VPS54: variants seen among roughly 807,000 people sequenced by gnomAD.
The protein encoded by VPS54 is VPS54 subunit of GARP complex.
Under a neutral mutation model 121.5 loss-of-function variants are expected in VPS54, and 45 were observed. That is an observed-to-expected ratio of 0.37 (90% CI 0.29 to 0.47). VPS54 has a LOEUF of 0.47. VPS54 is among the 20% of genes least tolerant of loss of function. The pLI is 0.99. For missense variants in VPS54, 1,090 were observed against 1,131.4 expected (o/e 0.96, Z 0.52); for synonymous variants, 371 against 385.8 (o/e 0.96, Z 0.45).
At position 63,893,466 on chromosome 2, in the gene VPS54, G is replaced by C. The variant is rs755555737; in HGVS notation, c.2898C>G (p.Asp966Glu). 4 of 1,614,002 alleles carry C rather than the reference G, an allele frequency of 2.5e-6. No homozygotes were observed. The highest frequency in any genetic ancestry group is 2.5e-6 in the Non-Finnish European group (3 of 1,179,980). ...GCTCCCAAATTTCGGCCATATTTAG[G>C]TCCAAATCTTTAAGGCCTTTTAAGG... ...LQALKGLKDL[D>E]LNMAEIWEQK... is the part of the protein sequence containing the mutation. The change falls in exon 23 of 23, where the codon GAC (aspartate) becomes GAG (glutamate). Residue 966 changes from aspartate to glutamate, a missense_variant. Transcript: ENST00000272322.
At chr2:63,910,958 G>T (rs9677805) in intron 20 of VPS54, among the ~76,000 whole-genome samples, 8 of 152,118 alleles carry the variant, frequency 5.3e-5, no homozygotes, top group African/African-American at 1.9e-4. Context: ...ACCTAGACTG[G>T]AGTGCAGTGG....
At position 63,909,725 on chromosome 2, in the gene VPS54, G is replaced by GTTTTTTTTTTTTT. The variant is rs1553470849; in HGVS notation, c.2625+2607_2625+2619dup. On this transcript the variant is annotated intron_variant, in intron 20 of 22. Transcript: ENST00000272322. The stretch of plus-strand genomic sequence containing the variant: ...AAGCGACCTCGCCTGGCCGTTTTTG[G>GTTTTTTTTTTTTT]TTTTTTTTTTTTTTTTGAGACAGAG... Among the ~76,000 whole-genome samples the GTTTTTTTTTTTTT allele has an allele frequency of 2.1e-4, 24 of 115,272 alleles. 1 individual carries two copies. Among genetic ancestry groups the GTTTTTTTTTTTTT allele is most frequent in the South Asian group, 2.9e-4 (1 of 3,432 alleles). 75.6% of individuals were successfully genotyped at this position (115,272 alleles called of 152,430 possible).
intron 1 of VPS54, among the ~76,000 whole-genome samples, chr2:64,002,068 C>T (rs1213259831): frequency 6.6e-6 from 1 of 152,206 alleles, no homozygotes; most frequent in African/African-American, 2.4e-5. Context: ...GGTCTGAATG[C>T]TCCCTCCATG....
intron 1 of VPS54, among the ~76,000 whole-genome samples, chr2:63,990,523 G>T (rs903482084): frequency 8.6e-5 from 13 of 151,846 alleles, no homozygotes; most frequent in Admixed American, 7.9e-4. Flanking sequence ...CTGCCTCTCT[G>T]TACCCTTCTT....
intron 3 of VPS54, 65 bp from the exon 4 acceptor site, chr2:63,972,309 GT>G: frequency 1.6e-6 from 2 of 1,263,574 alleles, no homozygotes; most frequent in African/African-American, 1.5e-5. Context: ...GCATGAAAGT[GT>G]TTTGCAACAG....
intron 11 of VPS54, among the ~76,000 whole-genome samples, chr2:63,940,057 T>C (rs1318835175): frequency 1.3e-5 from 2 of 152,126 alleles, no homozygotes; most frequent in African/African-American, 4.8e-5. Flanking sequence ...TGCCTGGCCC[T>C]GTATCTTGCA....
chr2:63,941,959 G>A lies in VPS54; in HGVS notation c.1398+506C>T, dbSNP rs190700251. ...TGAGGTAGAAGAATCACTTGAACCC[G>A]GGAGGGAGAAGTTGCGGTGAGCCAA... On this transcript the variant is annotated intron_variant, in intron 11 of 22. Coordinates refer to ENST00000272322, the MANE Select transcript of VPS54 (RefSeq NM_016516.3). 1.9e-4 allele frequency among the ~76,000 whole-genome samples: 29 copies of A among 151,152 alleles called. No individual in the cohort carries two copies. In the East Asian group the frequency reaches 2.9e-3, roughly 15 times the overall value.
At chr2:64,008,841 G>C (rs969463557) in intron 1 of VPS54, among the ~76,000 whole-genome samples, 4 of 152,164 alleles carry the variant, frequency 2.6e-5, no homozygotes, top group Non-Finnish European at 5.9e-5. Flanking sequence ...TGACTATACA[G>C]TCAAATACAG....
chr2:63,984,430 T>C (rs969833110), intron 1 of VPS54, among the ~76,000 whole-genome samples: 2 of 152,242 alleles, frequency 1.3e-5, no homozygotes, highest in Admixed American at 6.5e-5. Context: ...TTAACCTTTA[T>C]GTATCTGTCT....
At chr2:63,968,316 T>C (rs1403336599) in intron 5 of VPS54, among the ~76,000 whole-genome samples, 1 of 151,758 alleles carries the variant, frequency 6.6e-6, no homozygotes, top group Admixed American at 6.6e-5. Flanking sequence ...TATTTGTAGG[T>C]TTCAGTGATG....
At chr2:63,995,863 T>C (rs1326713322) in intron 1 of VPS54, among the ~76,000 whole-genome samples, 2 of 152,218 alleles carry the variant, frequency 1.3e-5, no homozygotes, top group Non-Finnish European at 2.9e-5. Flanking sequence ...CTAAATTAAA[T>C]AAACAAATTT....
intron 7 of VPS54, among the ~76,000 whole-genome samples, chr2:63,957,275 T>C (rs1271837677): frequency 6.6e-6 from 1 of 151,832 alleles, no homozygotes; most frequent in Non-Finnish European, 1.5e-5. Context: ...ACCCTGTCTC[T>C]ACTAAAAATA....
chr2:63,958,544 T>C (rs1461315296), intron 7 of VPS54, among the ~76,000 whole-genome samples: 1 of 152,070 alleles, frequency 6.6e-6, no homozygotes, highest in Non-Finnish European at 1.5e-5. Flanking sequence ...CAAGACCTTA[T>C]CTCTACAAAA....
chr2:63,946,245 A>T (rs564049115), intron 9 of VPS54, among the ~76,000 whole-genome samples: 13 of 152,132 alleles, frequency 8.5e-5, no homozygotes, highest in Non-Finnish European at 1.9e-4. Flanking sequence ...ATAGTATTCC[A>T]CTGTACAAAT....
At chr2:63,906,987 T>C (rs1408575525) in intron 20 of VPS54, among the ~76,000 whole-genome samples, 2 of 152,180 alleles carry the variant, frequency 1.3e-5, no homozygotes, top group Non-Finnish European at 2.9e-5. Flanking sequence ...AGTGTGGTAC[T>C]GGAACAGAAT....
At chr2:63,943,727 C>CTTTTT (rs1553476083) in intron 10 of VPS54, among the ~76,000 whole-genome samples, 1 of 129,606 alleles carries the variant, frequency 7.7e-6, no homozygotes, top group Non-Finnish European at 1.6e-5. Flanking sequence ...TTCTTTCTTT[C>CTTTTT]TTTTTTTTTT....
At chr2:64,000,938 C>A (rs1001946246) in intron 1 of VPS54, among the ~76,000 whole-genome samples, 57 of 152,202 alleles carry the variant, frequency 3.7e-4, no homozygotes, top group African/African-American at 1.3e-3. Context: ...GCAAAGCCAG[C>A]CCAGCTTCTG....
Position 63,893,517 on chromosome 2 carries a change from T to C in VPS54, c.2847A>G (p.Val949=), listed in dbSNP as rs778131968. 1.4e-5 allele frequency: 23 copies of C among 1,613,988 alleles called. 2 individuals carry two copies. In the South Asian group the frequency reaches 2.4e-4, roughly 17 times the overall value. ...CTTGAAGATTTCCAGTGTAAAAAGC[T>C]ACATCTGCTGTGACCAACCTAAATA... ...GPQNGLVTAD[V]AFYTGNLQAL... The change falls in exon 23 of 23, where the codon GTA becomes GTG. Residue 949 remains valine (V), a synonymous_variant. Coordinates refer to ENST00000272322, the MANE Select transcript of VPS54 (RefSeq NM_016516.3).
At chr2:63,940,476 C>T (rs1486152248) in intron 11 of VPS54, among the ~76,000 whole-genome samples, 1 of 152,108 alleles carries the variant, frequency 6.6e-6, no homozygotes, top group South Asian at 2.1e-4. Context: ...TAGAGCCATT[C>T]CACATAGTGG....
Sources: gnomAD v4.1 joint callset for allele counts (sites outside exome capture counted in the v4.1 genomes callset) on GRCh38, gnomAD v4.1.1 for gene constraint, MANE v1.5 for transcripts, NCBI Gene and HGNC (gene_info 2026-07-23, HGNC 2026-07-21) for gene names.